NEMP2: variants seen among roughly 807,000 people sequenced by gnomAD.
NEMP2 encodes nuclear envelope integral membrane protein 2, also known as UPF0571 transmembrane protein.
NEMP2 carries 53 observed loss-of-function variants against 54.2 expected under a neutral mutation model. The observed-to-expected ratio is 0.98, with a 90% CI of 0.78 to 1.23. NEMP2 has a LOEUF of 1.23. Among genes scored for constraint, NEMP2 ranks in the 50% most tolerant of loss-of-function variants. The pLI, the probability that NEMP2 is intolerant of heterozygous loss-of-function variation, is 0.00. For synonymous variants in NEMP2, 197 were observed against 190.3 expected (o/e 1.04, Z -0.29); for missense variants, 455 against 511.3 (o/e 0.89, Z 1.06).
the NEMP2 span, chr2:190,488,831 T>C: frequency 6.6e-7 from 1 of 1,526,382 alleles, no homozygotes; most frequent in Non-Finnish European, 8.8e-7. This position sits in a 1 kb window ranked among gnomAD's most constrained non-coding sequence, Gnocchi z 6.4. Context: ...AAGAATGGCT[T>C]TCTCCTTTTT....
intron 1 of NEMP2, 50 bp downstream of exon 1, chr2:190,534,509 C>T (rs986417830): frequency 5.2e-6 from 7 of 1,353,562 alleles, no homozygotes; most frequent in Non-Finnish European, 6.6e-6. Flanking sequence ...AGCCGCGAAG[C>T]CGGGGAGCGA....
At chr2:190,502,607 A>G (rs1323924065), downstream of NEMP2, among the ~76,000 whole-genome samples, 1 of 152,244 alleles carries the variant, frequency 6.6e-6, no homozygotes, top group Non-Finnish European at 1.5e-5. The surrounding 1 kb of genome is among the most constrained non-coding windows in gnomAD (Gnocchi z 4.4). Context: ...ACCCTGCTTT[A>G]CTGGCTTATT....
chr2:190,489,180 C>T, the NEMP2 span, among the ~76,000 whole-genome samples: 12 of 152,150 alleles, frequency 7.9e-5, no homozygotes, highest in South Asian at 4.1e-4. This position sits in a 1 kb window ranked among gnomAD's most constrained non-coding sequence, Gnocchi z 6.6. Flanking sequence ...CATTGTTATT[C>T]CATTAGGAGA....
At chr2:190,579,987 CTGT>C in the NEMP2 span, among the ~76,000 whole-genome samples, 14 of 152,316 alleles carry the variant, frequency 9.2e-5, no homozygotes, top group Admixed American at 1.3e-4. Context: ...TTTCCAAAGG[CTGT>C]TAAGACTTCT....
intron 6 of NEMP2, among the ~76,000 whole-genome samples, chr2:190,515,945 A>C (rs1690540430): frequency 6.6e-6 from 1 of 152,180 alleles, no homozygotes. Flanking sequence ...AAGCTTTTAC[A>C]TTACCAGTTA....
the NEMP2 span, among the ~76,000 whole-genome samples, chr2:190,565,497 T>C: frequency 9.9e-5 from 15 of 152,200 alleles, no homozygotes; most frequent in African/African-American, 3.6e-4. Flanking sequence ...TCAGAACATT[T>C]ATTAGGGTTT....
the NEMP2 span, among the ~76,000 whole-genome samples, chr2:190,459,503 T>C: frequency 6.6e-6 from 1 of 152,202 alleles, no homozygotes; most frequent in Non-Finnish European, 1.5e-5. This position sits in a 1 kb window ranked among gnomAD's most constrained non-coding sequence, Gnocchi z 5.3. Flanking sequence ...TGTTCAGTCA[T>C]TTGACTAAAC....
Position 190,534,628 on chromosome 2 carries a change from G to C in NEMP2, c.28C>G (p.Leu10Val). 1 of 1,360,286 alleles carries C rather than the reference G, an allele frequency of 7.4e-7. No individual in the cohort carries two copies. The highest frequency in any genetic ancestry group is 9.4e-7 in the Non-Finnish European group (1 of 1,060,668). 84.3% of individuals were successfully genotyped at this position (1,360,286 alleles called of 1,614,324 possible). MGPRQGRWWLLLWLPPLATL... is the reference protein window; with the variant it reads MGPRQGRWWVLLWLPPLATL... ...GCCAGGGGCGGCAGCCAGAGCAGCAGCCACCACCGCCCTTGGCGCGGCCCC... is the reference window on the plus strand; with the variant it reads ...GCCAGGGGCGGCAGCCAGAGCAGCACCCACCACCGCCCTTGGCGCGGCCCC... The change falls in exon 1 of 9, where the codon CTG becomes GTG. Residue 10 changes from leucine (L) to valine (V), a missense_variant. Physicochemically the swap from Leu to Val is conservative, Grantham distance 32. This residue lies in a region of NEMP2 where 100 missense variants were observed against 80.2 expected (regional missense o/e 1.25). Coordinates refer to ENST00000409150, the MANE Select transcript of NEMP2 (RefSeq NM_001142645.2).
Position 190,527,858 on chromosome 2 carries a change from TA to T in NEMP2, c.98-2481del, listed in dbSNP as rs1690997502. On this transcript the variant is annotated intron_variant, in intron 1 of 8. Coordinates refer to ENST00000409150, the MANE Select transcript of NEMP2 (RefSeq NM_001142645.2). The surrounding 1 kb of genome is among the most constrained non-coding windows in gnomAD (Gnocchi z 4.0). Reference sequence around the variant, plus strand: ...GATCTAGGTTGCATGCTTGTTATGATAATCTAACTAATGCCTGATGATCTGA... The same window carrying T: ...GATCTAGGTTGCATGCTTGTTATGATATCTAACTAATGCCTGATGATCTGA... 6.6e-6 allele frequency among the ~76,000 whole-genome samples: 1 copy of T among 152,124 alleles called. No individual in the cohort carries two copies. Among genetic ancestry groups the T allele is most frequent in the Non-Finnish European group, 1.5e-5 (1 of 68,018 alleles).
the NEMP2 span, among the ~76,000 whole-genome samples, chr2:190,428,855 T>C: frequency 1.2e-3 from 176 of 151,990 alleles, no homozygotes; most frequent in African/African-American, 4.0e-3. Flanking sequence ...TTAGTTTTAA[T>C]AGAGATGGGG....
chr2:190,597,795 A>G, the NEMP2 span, among the ~76,000 whole-genome samples: 1 of 152,182 alleles, frequency 6.6e-6, no homozygotes, highest in Admixed American at 6.5e-5. The surrounding 1 kb of genome is among the most constrained non-coding windows in gnomAD (Gnocchi z 4.7). Context: ...ATTAAAAAAA[A>G]AACAACTCTG....
the NEMP2 span, among the ~76,000 whole-genome samples, chr2:190,448,695 G>A: frequency 6.6e-6 from 1 of 152,196 alleles, no homozygotes; most frequent in African/African-American, 2.4e-5. Flanking sequence ...TAAATTCACA[G>A]TTGCCCTAGC....
the NEMP2 span, among the ~76,000 whole-genome samples, chr2:190,577,787 C>T: frequency 3.9e-5 from 6 of 152,140 alleles, no homozygotes; most frequent in Non-Finnish European, 8.8e-5. The surrounding 1 kb of genome is among the most constrained non-coding windows in gnomAD (Gnocchi z 4.8). Flanking sequence ...GCAGGAGAAT[C>T]GCTTGAGCCT....
chr2:190,557,123 CA>C, the NEMP2 span, among the ~76,000 whole-genome samples: 2 of 152,300 alleles, frequency 1.3e-5, no homozygotes, highest in South Asian at 4.1e-4. Flanking sequence ...GGTACCAAAA[CA>C]GATATGTAGA....
chr2:190,565,571 T>C, the NEMP2 span, among the ~76,000 whole-genome samples: 3 of 152,184 alleles, frequency 2.0e-5, no homozygotes, highest in Admixed American at 2.0e-4. Flanking sequence ...CGAGCTGTGA[T>C]ACAAGACCCA....
the NEMP2 span, among the ~76,000 whole-genome samples, chr2:190,645,274 A>G: frequency 6.6e-6 from 1 of 152,212 alleles, no homozygotes; most frequent in Non-Finnish European, 1.5e-5. Flanking sequence ...AGAATTTGAT[A>G]TATTTCTCAT....
the NEMP2 span, among the ~76,000 whole-genome samples, chr2:190,613,205 A>T: frequency 6.6e-6 from 1 of 152,140 alleles, no homozygotes; most frequent in Non-Finnish European, 1.5e-5. Context: ...TGAAACAGAG[A>T]TGATAACAGT....
At chr2:190,517,453 G>T in intron 5 of NEMP2, 67 bp downstream of exon 5, 3 of 1,111,200 alleles carry the variant, frequency 2.7e-6, no homozygotes, top group Admixed American at 2.5e-5. Flanking sequence ...AATTAATTTT[G>T]ATTAATTTTT....
the NEMP2 span, chr2:190,454,511 A>G: frequency 6.6e-6 from 1 of 152,108 alleles, no homozygotes; most frequent in Non-Finnish European, 1.5e-5. This position sits in a 1 kb window ranked among gnomAD's most constrained non-coding sequence, Gnocchi z 4.6. Context: ...TTGCTTGTGT[A>G]CGACTCTTTT....
Sources: gnomAD v4.1 joint callset for allele counts (sites outside exome capture counted in the v4.1 genomes callset) on GRCh38, gnomAD v4.1.1 for gene constraint, gnomAD v4.1.1 regional missense constraint, Gnocchi (gnomAD v3.1) non-coding constraint, MANE v1.5 for transcripts, NCBI Gene and HGNC (gene_info 2026-07-23, HGNC 2026-07-21) for gene names.